Variants in CENPF observed in about 807,000 individuals in gnomAD.
CENPF encodes centromere protein F, also known as AH antigen.
In CENPF, 214 loss-of-function variants were observed where a neutral mutation model predicts 307.3. The ratio of observed to expected loss-of-function variants is 0.70; its 90% confidence interval spans 0.62 to 0.78. CENPF has a LOEUF of 0.78. Ranked by LOEUF, CENPF falls within the 30% of genes least tolerant of loss-of-function variation. CENPF has a pLI of 0.00. For synonymous variants in CENPF, 1,259 were observed against 1,270.6 expected (o/e 0.99, Z 0.19); for missense variants, 3,401 against 3,483.9 (o/e 0.98, Z 0.60).
intron 1 of CENPF, among the ~76,000 whole-genome samples, chr1:214,606,878 C>A (rs1415442556): frequency 6.6e-6 from 1 of 152,256 alleles, no homozygotes; most frequent in Non-Finnish European, 1.5e-5. Flanking sequence ...ATGCCGGGAC[C>A]CCACAACTCT....
intron 1 of CENPF, among the ~76,000 whole-genome samples, chr1:214,611,901 A>G (rs1423118053): frequency 1.3e-5 from 2 of 152,194 alleles, no homozygotes; most frequent in Non-Finnish European, 2.9e-5. Flanking sequence ...GGGGTTTTCT[A>G]GATGTAGGAT....
At chr1:214,638,127 G>A (rs1658012865) in intron 11 of CENPF, 126 bp downstream of exon 11, 3 of 991,146 alleles carry the variant, frequency 3.0e-6, no homozygotes, top group Non-Finnish European at 4.3e-6. Flanking sequence ...AAAAAGATGT[G>A]CGCAGTTGAT....
At chr1:214,609,220 ATC>A (rs1181877473) in intron 1 of CENPF, among the ~76,000 whole-genome samples, 2 of 152,118 alleles carry the variant, frequency 1.3e-5, no homozygotes, top group Non-Finnish European at 2.9e-5. Context: ...TCCGCTTTGA[ATC>A]TCTAAGGTTG....
Position 214,655,260 on chromosome 1 carries a change from T to C in CENPF, c.8342T>C (p.Val2781Ala). The C allele has an allele frequency of 6.2e-7, 1 of 1,600,054 alleles. No individual in the cohort carries two copies. Among genetic ancestry groups the C allele is most frequent in the Non-Finnish European group, 8.5e-7 (1 of 1,173,852 alleles). Residue 2781 changes from valine (V) to alanine (A), a missense_variant, in exon 17 of 20, where the codon GTA (valine) becomes GCA (alanine). By Grantham distance (64) the Val-to-Ala change is moderately conservative. Transcript: ENST00000366955. ...TTGTAGATGGACAATCTAAAATATG[T>C]AAATCAGTTGAAGAAGGAAAATGAA... The part of the protein sequence containing the change: ...KKTKMDNLKY[V>A]NQLKKENERA...
Position 214,651,716 on chromosome 1 carries a change from T to C in CENPF, c.7990T>C (p.Leu2664=), listed in dbSNP as rs762430231. The C allele has an allele frequency of 3.8e-6, 6 of 1,581,230 alleles. No individual in the cohort carries two copies. In the African/African-American group the frequency reaches 5.5e-5, roughly 15 times the overall value. ...TTATTATTTTTCTGTTTAGGATCAA[T>C]TGAAGGAGCTCACACTAGAAAATAG... ...LEEIKSSKDQ[L]KELTLENSEL... The change falls in exon 15 of 20, where the codon TTG becomes CTG. Residue 2664 remains leucine, a synonymous_variant. Coordinates refer to ENST00000366955, the MANE Select transcript of CENPF (RefSeq NM_016343.4).
At chr1:214,612,243 C>T (rs927089653) in intron 1 of CENPF, among the ~76,000 whole-genome samples, 1 of 151,980 alleles carries the variant, frequency 6.6e-6, no homozygotes, top group Non-Finnish European at 1.5e-5. Context: ...TCATTTTTGT[C>T]TTTAGTTATG....
chr1:214,606,163 G>A (rs1371209705), intron 1 of CENPF: 10 of 1,342,358 alleles, frequency 7.4e-6, no homozygotes, highest in African/African-American at 2.9e-5. Flanking sequence ...GCCCAGCTCC[G>A]GATGCGACCC....
chr1:214,608,387 C>T (rs1318685388), intron 1 of CENPF: 2 of 1,613,320 alleles, frequency 1.2e-6, no homozygotes, highest in East Asian at 2.2e-5. Context: ...CCCGAGCTGG[C>T]ACCGTAGCCG....
rs1184662275 is a variant in CENPF, at chr1:214,657,098, A to G, written c.8651A>G (p.Gln2884Arg). Residue 2884 changes from glutamine to arginine, a missense_variant, in exon 18 of 20, where the codon CAA becomes CGA. Physicochemically the swap from Gln to Arg is conservative, Grantham distance 43 (BLOSUM62 1). Transcript: ENST00000366955. The part of the protein sequence containing the change: ...LEKAKEMLET[Q>R]VAHLCSQQSK... Reference sequence around the variant, plus strand: ...AAAGCTAAAGAGATGTTAGAGACACAAGTGGCCCATCTGTGTTCACAGCAA... The same window carrying G: ...AAAGCTAAAGAGATGTTAGAGACACGAGTGGCCCATCTGTGTTCACAGCAA... The G allele has an allele frequency of 1.7e-5, 28 of 1,614,208 alleles. No homozygotes were observed. Among genetic ancestry groups the G allele is most frequent in the Non-Finnish European group, 2.4e-5 (28 of 1,180,026 alleles).
chr1:214,648,352 C>T, intron 13 of CENPF: 1 of 426,812 alleles, frequency 2.3e-6, no homozygotes, highest in Non-Finnish European at 4.5e-6. Context: ...AAGATACTGC[C>T]TGATAATGAT....
intron 19 of CENPF, among the ~76,000 whole-genome samples, chr1:214,660,673 A>G (rs1658766213): frequency 6.6e-6 from 1 of 152,216 alleles, no homozygotes; most frequent in Non-Finnish European, 1.5e-5. Flanking sequence ...GTAAAAAGTA[A>G]CATCCATTCC....
intron 3 of CENPF, among the ~76,000 whole-genome samples, chr1:214,615,470 A>C (rs1016806091): frequency 6.6e-6 from 1 of 152,152 alleles, no homozygotes; most frequent in African/African-American, 2.4e-5. Context: ...AAAAGATGGA[A>C]ATTAGTTGAA....
intron 1 of CENPF, among the ~76,000 whole-genome samples, chr1:214,610,904 C>G (rs1316825273): frequency 6.6e-6 from 1 of 152,176 alleles, no homozygotes; most frequent in African/African-American, 2.4e-5. Flanking sequence ...CTGCATATGG[C>G]TAGCCAGCTA....
chr1:214,625,801 GTCT>G (rs1657639216), intron 7 of CENPF, among the ~76,000 whole-genome samples: 1 of 152,068 alleles, frequency 6.6e-6, no homozygotes, highest in South Asian at 2.1e-4. Flanking sequence ...GTCTGTTGGT[GTCT>G]TCATTTCACT....
chr1:214,621,406 G>A (rs1373617619), intron 6 of CENPF, among the ~76,000 whole-genome samples: 2 of 152,180 alleles, frequency 1.3e-5, no homozygotes, highest in African/African-American at 2.4e-5. Context: ...GCTGTGCCAC[G>A]CTGCAGCTGA....
chr1:214,647,331 G>A lies in CENPF; in HGVS notation c.7761G>A (p.Gln2587=), dbSNP rs752898349. ...ASLQDTLEVL[Q]SSYKNLENEL... is the part of the protein sequence containing the mutation. ...TGCAGGACACATTAGAAGTGCTGCA[G>A]AGTTCTTACAAGAATCTAGAGAATG... The change falls in exon 13 of 20, where the codon CAG becomes CAA. Residue 2587 remains glutamine (Q), a synonymous_variant. Coordinates refer to ENST00000366955, the MANE Select transcript of CENPF (RefSeq NM_016343.4). 1.9e-6 allele frequency: 3 copies of A among 1,613,844 alleles called. No homozygotes were observed. Among genetic ancestry groups the A allele is most frequent in the South Asian group, 2.2e-5 (2 of 91,020 alleles).
Position 214,647,347 on chromosome 1 carries a change from C to G in CENPF, c.7777C>G (p.Leu2593Val), listed in dbSNP as rs370320022. 6.2e-6 allele frequency: 10 copies of G among 1,612,724 alleles called. No individual in the cohort carries two copies. In the Admixed American group the frequency reaches 1.7e-4, roughly 27 times the overall value. Residue 2593 changes from leucine (L) to valine (V), a missense_variant, in exon 13 of 20, where the codon CTA becomes GTA. By Grantham distance (32) the Leu-to-Val change is conservative (BLOSUM62 1). Transcript: ENST00000366955. ...AGTGCTGCAGAGTTCTTACAAGAAT[C>G]TAGAGAATGAGCTTGAATTGACAAA... ...LEVLQSSYKN[L>V]ENELELTKMD...
chr1:214,606,066 G>T, intron 1 of CENPF: 1 of 1,592,520 alleles, frequency 6.3e-7, no homozygotes, highest in African/African-American at 1.3e-5. Context: ...ATGCTGTCCG[G>T]GCTGATGCCG....
chr1:214,630,901 T>C (rs1246207691), intron 9 of CENPF, among the ~76,000 whole-genome samples: 1 of 152,230 alleles, frequency 6.6e-6, no homozygotes. Context: ...TCATAATCTG[T>C]TGGTTCTTGG....
Sources: allele counts gnomAD v4.1 joint callset (sites outside exome capture counted in the v4.1 genomes callset), GRCh38; gene constraint gnomAD v4.1.1; transcripts MANE v1.5; gene names NCBI Gene and HGNC (gene_info 2026-07-23, HGNC 2026-07-21).